The following SEC23A variants were observed in gnomAD, a reference collection of about 807,000 sequenced individuals.
SEC23A encodes the protein protein transport protein Sec23A.
SEC23A carries 56 observed loss-of-function variants against 103.7 expected under a neutral mutation model. The observed-to-expected ratio is 0.54, with a 90% CI of 0.44 to 0.67. The LOEUF (loss-of-function observed/expected upper bound fraction) is 0.67, where lower values mean the gene tolerates loss of function less well. Ranked by LOEUF, SEC23A falls within the 30% of genes least tolerant of loss-of-function variation. SEC23A has a pLI of 0.00. For missense variants in SEC23A, 784 were observed against 936.4 expected (o/e 0.84, Z 2.12); for synonymous variants, 281 against 293.0 (o/e 0.96, Z 0.42).
At chr14:39,065,997 C>CAAAAAAAAAAAAAAAAAAAAAAAA (rs59260008) in intron 10 of SEC23A, among the ~76,000 whole-genome samples, 6 of 80,496 alleles carry the variant, frequency 7.5e-5, no homozygotes, top group Admixed American at 2.9e-4. Context: ...AACTCCATCT[C>CAAAAAAAAAAAAAAAAAAAAAAAA]AAAAAAAAAA....
chr14:39,034,718 G>A (rs1404046864), intron 19 of SEC23A, among the ~76,000 whole-genome samples: 3 of 152,110 alleles, frequency 2.0e-5, no homozygotes, highest in African/African-American at 4.8e-5. Flanking sequence ...ATGCTCATTC[G>A]ATTTTATAAA....
At chr14:39,083,684 T>TC (rs1887316992) in intron 7 of SEC23A, among the ~76,000 whole-genome samples, 1 of 148,776 alleles carries the variant, frequency 6.7e-6, no homozygotes. Flanking sequence ...TGCTTCAGCC[T>TC]CCCAAGTAGC....
chr14:39,058,398 C>T (rs1232149369), intron 13 of SEC23A, among the ~76,000 whole-genome samples: 2 of 152,132 alleles, frequency 1.3e-5, no homozygotes, highest in East Asian at 3.9e-4. Flanking sequence ...AGCTCCGCTT[C>T]CCGGGTTCAC....
chr14:39,066,455 C>T (rs779755527), intron 10 of SEC23A, among the ~76,000 whole-genome samples: 3 of 148,798 alleles, frequency 2.0e-5, no homozygotes, highest in Admixed American at 6.7e-5. Context: ...ACTGATTATC[C>T]GAAAGGTAAA....
rs753221392 is a variant in SEC23A, at chr14:39,092,559, G to A, written c.348C>T (p.Ser116=). Residue 116 remains serine (S), a synonymous_variant, in exon 4 of 20, where the codon AGC becomes AGT. Coordinates refer to ENST00000307712, the MANE Select transcript of SEC23A (RefSeq NM_006364.4). ...QPAELLPQFS[S]IEYVVLRGPQ... ...TTCTTACCAGAACTACATATTCAAT[G>A]CTAGAAAACTGAGGTAAAAGTTCAG... 6.9e-6 allele frequency: 11 copies of A among 1,604,920 alleles called. No homozygotes were observed. Among genetic ancestry groups the A allele is most frequent in the South Asian group, 1.1e-5 (1 of 90,444 alleles).
intron 10 of SEC23A, among the ~76,000 whole-genome samples, chr14:39,066,006 A>AAAAC (rs1229596927): frequency 6.9e-5 from 2 of 28,850 alleles, no homozygotes; most frequent in Non-Finnish European, 1.7e-4. Context: ...TCAAAAAAAA[A>AAAAC]AAAAAAAAAA....
chr14:39,032,959 A>C lies in SEC23A; in HGVS notation c.*280T>G, dbSNP rs1885347767. ...ATGAGTTACATCTGTAGTACGAGGCAGACTCTATTTTTTATTAAACATAAT... is the reference window on the plus strand; with the variant it reads ...ATGAGTTACATCTGTAGTACGAGGCCGACTCTATTTTTTATTAAACATAAT... On this transcript the variant is annotated 3_prime_UTR_variant, in exon 20 of 20. Transcript: ENST00000307712. The C allele has an allele frequency of 2.8e-6, 1 of 361,286 alleles. No individual in the cohort carries two copies. The highest frequency in any genetic ancestry group is 5.1e-6 in the Non-Finnish European group (1 of 194,982). The allele number at this position is 361,286 out of a possible 1,614,324, so 22.4% of individuals were successfully genotyped here.
intron 14 of SEC23A, among the ~76,000 whole-genome samples, chr14:39,049,306 T>C (rs1885960755): frequency 6.6e-6 from 1 of 151,792 alleles, no homozygotes; most frequent in Non-Finnish European, 1.5e-5. Context: ...TGAAACCGCA[T>C]CTCTACTAAA....
intron 14 of SEC23A, among the ~76,000 whole-genome samples, chr14:39,050,947 A>G (rs1240731419): frequency 6.6e-6 from 1 of 152,216 alleles, no homozygotes; most frequent in Non-Finnish European, 1.5e-5. Flanking sequence ...CTTAGGTGAT[A>G]ACGCACTTTA....
intron 7 of SEC23A, among the ~76,000 whole-genome samples, 175 bp downstream of exon 7, chr14:39,085,587 G>C (rs1483827181): frequency 6.6e-6 from 1 of 151,888 alleles, no homozygotes; most frequent in Non-Finnish European, 1.5e-5. Context: ...CTGCTTGGTT[G>C]GTATGTGGGG....
intron 19 of SEC23A, among the ~76,000 whole-genome samples, chr14:39,038,031 C>A (rs981215971): frequency 4.6e-5 from 7 of 152,130 alleles, no homozygotes; most frequent in African/African-American, 1.4e-4. Context: ...CCATTACTTA[C>A]CAAATAAATA....
intron 1 of SEC23A, among the ~76,000 whole-genome samples, chr14:39,096,647 T>C (rs1357765251): frequency 1.3e-5 from 2 of 151,912 alleles, no homozygotes; most frequent in Non-Finnish European, 2.9e-5. Flanking sequence ...CAATAAGAGG[T>C]ATTTAACACT....
intron 2 of SEC23A, chr14:39,095,140 C>A: frequency 3.3e-6 from 2 of 599,914 alleles, no homozygotes. Flanking sequence ...CTGTAAGAGA[C>A]AGAATCTATA....
chr14:39,064,823 T>A, intron 11 of SEC23A, 90 bp downstream of exon 11: 1 of 932,354 alleles, frequency 1.1e-6, no homozygotes, highest in Non-Finnish European at 1.8e-6. Context: ...TAAGCAATCC[T>A]CCTGCCTCAG....
intron 9 of SEC23A, among the ~76,000 whole-genome samples, chr14:39,067,585 T>C (rs755850567): frequency 7.3e-5 from 11 of 151,694 alleles, no homozygotes; most frequent in Non-Finnish European, 1.2e-4. Flanking sequence ...TATTACAAAA[T>C]TCAAAAGGTA....
At chr14:39,043,136 C>T (rs1179421918) in intron 16 of SEC23A, among the ~76,000 whole-genome samples, 1 of 151,954 alleles carries the variant, frequency 6.6e-6, no homozygotes, top group African/African-American at 2.4e-5. Flanking sequence ...AACACCATGT[C>T]CAGCTAGTTT....
At chr14:39,094,443 T>TATATATATATA (rs1491476144) in intron 2 of SEC23A, among the ~76,000 whole-genome samples, 1 of 10,806 alleles carries the variant, frequency 9.3e-5, no homozygotes, top group Admixed American at 1.1e-3. Flanking sequence ...TATATATATA[T>TATATATATATA]TTTTTTTTTT....
intron 14 of SEC23A, among the ~76,000 whole-genome samples, chr14:39,054,420 T>C (rs879878088): frequency 1.3e-5 from 2 of 152,206 alleles, no homozygotes; most frequent in African/African-American, 2.4e-5. Context: ...TAGAACCAGA[T>C]AATACAGACT....
rs1165601774 is a variant in SEC23A at position 39,040,706 on chromosome 14, CACACAAACAAAT to C, written c.2142+14_2142+25del. On this transcript the variant is annotated intron_variant, in intron 18 of 19. Coordinates refer to ENST00000307712, the MANE Select transcript of SEC23A (RefSeq NM_006364.4). ...CACTGCAAACCTAACAACAAACAAACACACAAACAAATTAACACTACTTACCTGGCTGCCTCC... is the reference window on the plus strand; with the variant it reads ...CACTGCAAACCTAACAACAAACAAACTAACACTACTTACCTGGCTGCCTCC... 2.5e-6 allele frequency: 4 copies of C among 1,613,936 alleles called. No homozygotes were observed. Among genetic ancestry groups the C allele is most frequent in the African/African-American group, 1.3e-5 (1 of 74,924 alleles).
Sources: allele counts gnomAD v4.1 joint callset (sites outside exome capture counted in the v4.1 genomes callset), GRCh38; gene constraint gnomAD v4.1.1; transcripts MANE v1.5; gene names NCBI Gene and HGNC (gene_info 2026-07-23, HGNC 2026-07-21).